TRABD2A: variants seen among roughly 807,000 people sequenced by gnomAD.
TRABD2A encodes the protein metalloprotease TIKI1.
In TRABD2A, 43 loss-of-function variants were observed where a neutral mutation model predicts 45.6. That is an observed-to-expected ratio of 0.94 (90% CI 0.74 to 1.22). The LOEUF is 1.22. Ranked by LOEUF, TRABD2A falls within the 50% of genes most tolerant of loss-of-function variation. TRABD2A has a pLI of 0.00. For missense variants in TRABD2A, 642 were observed against 652.4 expected (o/e 0.98, Z 0.17); for synonymous variants, 269 against 265.0 (o/e 1.02, Z -0.15).
chr2:84,861,421 C>T (rs1342722167), intron 2 of TRABD2A, among the ~76,000 whole-genome samples: 4 of 152,046 alleles, frequency 2.6e-5, no homozygotes. Context: ...ATAAGGAGCA[C>T]ACAACCTAGA....
At chr2:84,862,376 G>A (rs1682529550) in intron 2 of TRABD2A, among the ~76,000 whole-genome samples, 1 of 152,200 alleles carries the variant, frequency 6.6e-6, no homozygotes. Flanking sequence ...CCAAGCAGGT[G>A]TCAAGGAAGA....
intron 1 of TRABD2A, chr2:84,874,643 C>A: frequency 6.4e-6 from 1 of 155,706 alleles, no homozygotes; most frequent in South Asian, 1.9e-4. Context: ...AGATCAAAGT[C>A]GTATACCTGA....
intron 4 of TRABD2A, chr2:84,837,481 A>G (rs981821232): frequency 6.6e-6 from 1 of 152,212 alleles, no homozygotes; most frequent in African/African-American, 2.4e-5. Context: ...TTTAAATAAT[A>G]TACCAACTCT....
At chr2:84,870,045 A>G (rs1023976583) in intron 2 of TRABD2A, among the ~76,000 whole-genome samples, 180 bp downstream of exon 2, 3 of 151,544 alleles carry the variant, frequency 2.0e-5, no homozygotes, top group Non-Finnish European at 4.4e-5. Context: ...TTTCTTGGCA[A>G]TACTCAAATA....
chr2:84,841,767 A>G, intron 3 of TRABD2A, 94 bp downstream of exon 3: 2 of 1,326,698 alleles, frequency 1.5e-6, no homozygotes, highest in Non-Finnish European at 2.0e-6. Flanking sequence ...CATGACCTCA[A>G]TCCTTTGTAC....
chr2:84,872,723 C>G (rs1171272907), intron 1 of TRABD2A, among the ~76,000 whole-genome samples: 1 of 152,202 alleles, frequency 6.6e-6, no homozygotes, highest in Non-Finnish European at 1.5e-5. Flanking sequence ...AAATACTAAA[C>G]TGTTGTTCCT....
chr2:84,864,174 C>G lies in TRABD2A; in HGVS notation c.669+6051G>C, dbSNP rs143052563. On this transcript the variant is annotated intron_variant, in intron 2 of 6. Transcript: ENST00000409520. Reference sequence around the variant, plus strand: ...AAGAATGTGTGTTCAGAATTCCGAGCTAAGGAATCCAGAGATTCATTCCTT... The same window carrying G: ...AAGAATGTGTGTTCAGAATTCCGAGGTAAGGAATCCAGAGATTCATTCCTT... Among the ~76,000 whole-genome samples the G allele has an allele frequency of 6.4e-3, 974 of 152,208 alleles. 6 individuals carry two copies. Among genetic ancestry groups the G allele is most frequent in the Non-Finnish European group, 0.011 (737 of 68,028 alleles).
chr2:84,872,114 G>A (rs1682886519), intron 1 of TRABD2A, among the ~76,000 whole-genome samples: 1 of 152,180 alleles, frequency 6.6e-6, no homozygotes, highest in Admixed American at 6.5e-5. Flanking sequence ...GTACAAAGAA[G>A]TGCAGTGCTC....
chr2:84,874,536 T>C (rs1682964776), intron 1 of TRABD2A, among the ~76,000 whole-genome samples: 1 of 152,234 alleles, frequency 6.6e-6, no homozygotes, highest in African/African-American at 2.4e-5. Context: ...TCTTTCAGCC[T>C]GGAGGAGGCC....
rs1199631258 is a variant in TRABD2A, at chr2:84,881,006, G to A, written c.34C>T (p.Leu12Phe). The A allele has an allele frequency of 1.9e-6, 3 of 1,605,710 alleles. No homozygotes were observed. Among genetic ancestry groups the A allele is most frequent in the Non-Finnish European group, 2.5e-6 (3 of 1,176,934 alleles). The change falls in exon 1 of 7, where the codon CTC (leucine) becomes TTC (phenylalanine). Residue 12 changes from leucine to phenylalanine, a missense_variant. By Grantham distance (22) the Leu-to-Phe change is conservative. Coordinates refer to ENST00000409520, the MANE Select transcript of TRABD2A (RefSeq NM_001277053.2). Reference protein sequence around the residue: ...SPWSWFLLQTLCLLPTGAASR... With the variant: ...SPWSWFLLQTFCLLPTGAASR... ...GCTGCGCCCGTGGGCAGGAGGCAGA[G>A]GGTCTGCAGCAGGAACCAGCTCCAG...
chr2:84,870,375 G>A lies in TRABD2A; in HGVS notation c.519C>T (p.Asn173=), dbSNP rs1256081460. 3 of 1,613,916 alleles carry A rather than the reference G, an allele frequency of 1.9e-6. No individual in the cohort carries two copies. Among genetic ancestry groups the A allele is most frequent in the Non-Finnish European group, 2.5e-6 (3 of 1,179,906 alleles). Residue 173 remains asparagine, a synonymous_variant, in exon 2 of 7, where the codon AAC becomes AAT. Coordinates refer to ENST00000409520, the MANE Select transcript of TRABD2A (RefSeq NM_001277053.2). ...ACTTAATGTCCACTTCAGTCAGGGA[G>A]TTGACCATGAGCATCACCCAGACAG... ...KRPVWVMLMV[N]SLTEVDIKSR...
At position 84,832,275 on chromosome 2, in the gene TRABD2A, T is replaced by C. The variant is rs1681366387; in HGVS notation, c.992-130A>G. The C allele has an allele frequency of 8.0e-6, 7 of 879,444 alleles. No individual in the cohort carries two copies. In the South Asian group the frequency reaches 1.1e-4, roughly 14 times the overall value. 54.5% of individuals were successfully genotyped at this position (879,444 alleles called of 1,614,324 possible). A position where few individuals can be genotyped will look rare whatever the true frequency, so the allele number is the denominator to read the frequency against. On this transcript the variant is annotated intron_variant, in intron 4 of 6. Coordinates refer to ENST00000409520, the MANE Select transcript of TRABD2A (RefSeq NM_001277053.2). ...GCCTATCTGTCCAGCACAGTACAGT[T>C]CTAGAGAGCTTCTGGAATCAGGCCT...
chr2:84,822,330 G>C (rs935213684), intron 6 of TRABD2A, among the ~76,000 whole-genome samples: 4 of 152,190 alleles, frequency 2.6e-5, no homozygotes, highest in African/African-American at 9.7e-5. Context: ...CTGGCTAACT[G>C]TCCCTGGCTA....
intron 2 of TRABD2A, among the ~76,000 whole-genome samples, chr2:84,865,746 G>T (rs1420055638): frequency 6.6e-6 from 1 of 152,202 alleles, no homozygotes; most frequent in East Asian, 1.9e-4. Flanking sequence ...AATTCCCTAT[G>T]CCCGGAGCCT....
intron 2 of TRABD2A, among the ~76,000 whole-genome samples, chr2:84,865,227 G>GAA (rs72303233): frequency 1.3e-5 from 2 of 150,832 alleles, no homozygotes; most frequent in Non-Finnish European, 3.0e-5. Flanking sequence ...GCATTGTGGG[G>GAA]AAAAAAAAAG....
At chr2:84,880,352 G>A (rs1244460577) in intron 1 of TRABD2A, among the ~76,000 whole-genome samples, 1 of 152,184 alleles carries the variant, frequency 6.6e-6, no homozygotes, top group Non-Finnish European at 1.5e-5. Context: ...GGCTCGGACA[G>A]TGGTCACTCC....
rs1012930899 is a variant in TRABD2A, at chr2:84,847,411, C to G, written c.670-5404G>C. ...GATAAGAGAATTGCTCAGAAACTCC[C>G]ACCAGTTAAGTTGACCCCAGGGCGT... On this transcript the variant is annotated intron_variant, in intron 2 of 6. Transcript: ENST00000409520. Among the ~76,000 whole-genome samples the G allele has an allele frequency of 2.0e-5, 3 of 152,166 alleles. No individual in the cohort carries two copies. In the East Asian group the frequency reaches 5.8e-4, roughly 29 times the overall value.
chr2:84,848,384 AG>A (rs1681975611), intron 2 of TRABD2A, among the ~76,000 whole-genome samples: 1 of 142,738 alleles, frequency 7.0e-6, no homozygotes, highest in Non-Finnish European at 1.5e-5. Context: ...ATAGACAGAC[AG>A]ACAGACAGAC....
intron 1 of TRABD2A, among the ~76,000 whole-genome samples, chr2:84,877,631 C>T (rs1480942246): frequency 1.3e-5 from 2 of 152,104 alleles, no homozygotes; most frequent in African/African-American, 4.8e-5. Flanking sequence ...AGAGAGAAAA[C>T]ATGGCCATGG....
Sources: allele counts gnomAD v4.1 joint callset (sites outside exome capture counted in the v4.1 genomes callset), GRCh38; gene constraint gnomAD v4.1.1; transcripts MANE v1.5; gene names NCBI Gene and HGNC (gene_info 2026-07-23, HGNC 2026-07-21).